Variants in RAPGEF1 observed in about 807,000 individuals in gnomAD.
The protein encoded by RAPGEF1 is Rap guanine nucleotide exchange factor 1, also known as CRK SH3-binding GNRP.
In RAPGEF1, 33 loss-of-function variants were observed where a neutral mutation model predicts 143.3. That is an observed-to-expected ratio of 0.23 (90% CI 0.17 to 0.31). The LOEUF is 0.31. Ranked by LOEUF, RAPGEF1 falls within the 10% of genes least tolerant of loss-of-function variation. The pLI is 1.00. For synonymous variants in RAPGEF1, 629 were observed against 676.5 expected, an observed-to-expected ratio of 0.93 and a Z score of 1.09; for missense variants, 1,199 against 1,645.4, an observed-to-expected ratio of 0.73 and a Z score of 4.69.
chr9:131,623,361 AG>A (rs1961853449), intron 10 of RAPGEF1, among the ~76,000 whole-genome samples: 4 of 152,192 alleles, frequency 2.6e-5, no homozygotes, highest in Admixed American at 1.3e-4. Flanking sequence ...CAGCTATTCA[AG>A]AGGCTGAGGT....
At chr9:131,722,350 G>T (rs1362528996) in intron 1 of RAPGEF1, among the ~76,000 whole-genome samples, 1 of 152,180 alleles carries the variant, frequency 6.6e-6, no homozygotes, top group Non-Finnish European at 1.5e-5. Context: ...ACCTTCTCAA[G>T]AACGTGGCGA....
At chr9:131,692,752 C>T (rs1833873166) in intron 1 of RAPGEF1, among the ~76,000 whole-genome samples, 1 of 152,210 alleles carries the variant, frequency 6.6e-6, no homozygotes, top group South Asian at 2.1e-4. Context: ...ATTGCACAAT[C>T]AGTAGCTTCT....
intron 12 of RAPGEF1, among the ~76,000 whole-genome samples, chr9:131,615,109 G>C (rs998150537): frequency 6.6e-6 from 1 of 152,220 alleles, no homozygotes; most frequent in Non-Finnish European, 1.5e-5. Context: ...GTCTTGCTCT[G>C]TTGCCCAGGC....
chr9:131,697,362 C>T (rs966342435), intron 1 of RAPGEF1, among the ~76,000 whole-genome samples: 1 of 152,244 alleles, frequency 6.6e-6, no homozygotes, highest in East Asian at 1.9e-4. Context: ...AGCTTGAAAA[C>T]ATTTTCACTG....
intron 14 of RAPGEF1, among the ~76,000 whole-genome samples, chr9:131,603,123 C>A (rs764466071): frequency 6.6e-6 from 1 of 152,210 alleles, no homozygotes; most frequent in Admixed American, 6.5e-5. Flanking sequence ...TGAAACAGGG[C>A]TGGCTCTGGG....
rs1298525193 is a variant in RAPGEF1 at position 131,641,183 on chromosome 9, C to T, written c.494+2056G>A. ...GGAAGCAACACTTCTAGCAGCAATA[C>T]ACTCTGGGTGTGAGGGTCCAGGGGA... On this transcript the variant is annotated intron_variant, in intron 4 of 26. Transcript: ENST00000683357. The surrounding 1 kb of genome is among the most constrained non-coding windows in gnomAD (Gnocchi z 4.6). 6.6e-6 allele frequency among the ~76,000 whole-genome samples: 1 copy of T among 152,160 alleles called. No individual in the cohort carries two copies. Among genetic ancestry groups the T allele is most frequent in the Non-Finnish European group, 1.5e-5 (1 of 68,026 alleles).
chr9:131,640,176 C>G (rs1689126790), intron 4 of RAPGEF1, among the ~76,000 whole-genome samples: 1 of 152,204 alleles, frequency 6.6e-6, no homozygotes, highest in African/African-American at 2.4e-5. Context: ...GGGGTTGGAC[C>G]AGAGCTGATC....
Position 131,674,754 on chromosome 9 carries a change from A to G in RAPGEF1, c.62-23805T>C, listed in dbSNP as rs541115070. 2.6e-5 allele frequency among the ~76,000 whole-genome samples: 4 copies of G among 152,266 alleles called. No individual in the cohort carries two copies. In the East Asian group the frequency reaches 7.7e-4, roughly 29 times the overall value. ...GAGGGATCCCTAGAAGGAAAGTCCA[A>G]TCTGAGCTGGCTGCCTGCTGAGGAA... On this transcript the variant is annotated intron_variant, in intron 1 of 26. Transcript: ENST00000683357.
intron 12 of RAPGEF1, among the ~76,000 whole-genome samples, chr9:131,618,768 T>C (rs564345084): frequency 6.6e-6 from 1 of 152,160 alleles, no homozygotes; most frequent in South Asian, 2.1e-4. Flanking sequence ...CAAAGCGAGA[T>C]TGGGATAAAA....
At position 131,650,117 on chromosome 9, in the gene RAPGEF1, T is replaced by C. The variant is rs746250808; in HGVS notation, c.315+12A>G. 5.0e-6 allele frequency: 8 copies of C among 1,596,544 alleles called. No individual in the cohort carries two copies. Among genetic ancestry groups the C allele is most frequent in the Non-Finnish European group, 6.9e-6 (8 of 1,165,186 alleles). On this transcript the variant is annotated intron_variant, in intron 3 of 26. Transcript: ENST00000683357. The surrounding 1 kb of genome is among the most constrained non-coding windows in gnomAD (Gnocchi z 4.7). ...GCAAGGCAAACCCAATTGTTCTTAA[T>C]GTTACACTGACCTTCTGCCTTTGAG...
At chr9:131,622,784 T>G (rs1237546647) in intron 10 of RAPGEF1, among the ~76,000 whole-genome samples, 2 of 150,490 alleles carry the variant, frequency 1.3e-5, no homozygotes, top group African/African-American at 4.9e-5. Context: ...TTTTTTTTTT[T>G]GAGACAGAGT....
chr9:131,651,248 G>T (rs1276568391), intron 1 of RAPGEF1, among the ~76,000 whole-genome samples: 1 of 152,210 alleles, frequency 6.6e-6, no homozygotes, highest in African/African-American at 2.4e-5. Context: ...TAACATCCAA[G>T]GGAACTGGCT....
In RAPGEF1 at chr9:131,679,058, G is replaced by A. The variant is rs532086163; in HGVS notation, c.62-28109C>T. On this transcript the variant is annotated intron_variant, in intron 1 of 26. Transcript: ENST00000683357. ...GAGAAGCAAAGGCTAAGAGGCAGCAGTGACTGGGGGTGGGGGGAAATGATG... is the reference window on the plus strand; with the variant it reads ...GAGAAGCAAAGGCTAAGAGGCAGCAATGACTGGGGGTGGGGGGAAATGATG... Among the ~76,000 whole-genome samples the A allele has an allele frequency of 1.5e-4, 23 of 152,248 alleles. No homozygotes were observed. The South Asian group carries it at 4.8e-3, about 32-fold the overall frequency.
chr9:131,581,848 G>T (rs1951910990), intron 25 of RAPGEF1, among the ~76,000 whole-genome samples: 1 of 152,196 alleles, frequency 6.6e-6, no homozygotes, highest in Non-Finnish European at 1.5e-5. Flanking sequence ...GAGCCACAGT[G>T]GGAAAGACTG....
intron 17 of RAPGEF1, among the ~76,000 whole-genome samples, chr9:131,593,939 C>A (rs923307932): frequency 6.6e-6 from 1 of 152,232 alleles, no homozygotes; most frequent in Non-Finnish European, 1.5e-5. Flanking sequence ...ATGACAACTT[C>A]GTGGGACTCG....
chr9:131,613,555 A>G (rs1958387202), intron 12 of RAPGEF1, among the ~76,000 whole-genome samples: 1 of 152,212 alleles, frequency 6.6e-6, no homozygotes, highest in South Asian at 2.1e-4. Flanking sequence ...CACGGGCTGG[A>G]GAGAAGCGGA....
At chr9:131,636,534 T>C (rs989448788) in intron 5 of RAPGEF1, among the ~76,000 whole-genome samples, 3 of 152,238 alleles carry the variant, frequency 2.0e-5, no homozygotes, top group African/African-American at 7.2e-5. Flanking sequence ...GAAATGTACT[T>C]GGGACTGCCA....
chr9:131,604,095 C>T (rs1434529100), intron 13 of RAPGEF1, 42 bp from the exon 14 acceptor site: 10 of 1,229,860 alleles, frequency 8.1e-6, no homozygotes, highest in Non-Finnish European at 1.1e-5. Context: ...TGGGCCAGGC[C>T]CTCCAGCCGG....
rs541147112 is a variant in RAPGEF1 at position 131,709,963 on chromosome 9, T to A, written c.61+29807A>T. The A allele has an allele frequency of 1.1e-4, 107 of 984,936 alleles. No homozygotes were observed. In the African/African-American group the frequency reaches 1.7e-3, roughly 16 times the overall value. The allele number at this position is 984,936 out of a possible 1,614,324, so 61.0% of individuals were successfully genotyped here. On this transcript the variant is annotated intron_variant, in intron 1 of 26. Coordinates refer to ENST00000683357, the MANE Select transcript of RAPGEF1 (RefSeq NM_001377935.1). ...AGGCATGGTCTATATTAAGAAGCTC[T>A]TTCCTCAGCATCCTTTTGACACTTT...
Sources: gnomAD v4.1 joint callset for allele counts (sites outside exome capture counted in the v4.1 genomes callset) on GRCh38, gnomAD v4.1.1 for gene constraint, Gnocchi (gnomAD v3.1) non-coding constraint, MANE v1.5 for transcripts, NCBI Gene and HGNC (gene_info 2026-07-23, HGNC 2026-07-21) for gene names.